NCOA2: variants seen among roughly 807,000 people sequenced by gnomAD.
NCOA2 encodes the protein nuclear receptor coactivator 2.
NCOA2 carries 21 observed loss-of-function variants against 145.1 expected under a neutral mutation model. The ratio of observed to expected loss-of-function variants is 0.14; its 90% CI spans 0.10 to 0.21. The LOEUF (loss-of-function observed/expected upper bound fraction) is 0.21, where lower values mean the gene tolerates loss of function less well. Among genes scored for constraint, NCOA2 ranks in the 10% least tolerant of loss-of-function variants. The probability of loss-of-function intolerance (pLI) is 1.00; values close to 1 mark genes in which losing one functional copy is unlikely to be tolerated. For missense variants in NCOA2, 1,472 were observed against 1,837.6 expected (o/e 0.80, Z 3.64); for synonymous variants, 619 against 637.5 (o/e 0.97, Z 0.44).
chr8:70,313,370 T>C (rs1451739014), intron 1 of NCOA2, among the ~76,000 whole-genome samples: 1 of 152,204 alleles, frequency 6.6e-6, no homozygotes, highest in Admixed American at 6.5e-5. Context: ...GTTTAGCAAG[T>C]CCAAAAATAC....
chr8:70,248,954 T>C (rs959282215), intron 2 of NCOA2, among the ~76,000 whole-genome samples: 14 of 152,038 alleles, frequency 9.2e-5, no homozygotes, highest in Admixed American at 8.5e-4. Flanking sequence ...ATTTAAGTTG[T>C]TTCCAATTGG....
chr8:70,304,797 T>G (rs1827763001), intron 1 of NCOA2, among the ~76,000 whole-genome samples: 1 of 151,332 alleles, frequency 6.6e-6, no homozygotes, highest in South Asian at 2.1e-4. Flanking sequence ...GCCTGGCAAC[T>G]ATATGCATAA....
intron 21 of NCOA2, 23 bp downstream of exon 21, chr8:70,123,861 G>T: frequency 6.3e-7 from 1 of 1,577,110 alleles, no homozygotes; most frequent in Non-Finnish European, 8.6e-7. Flanking sequence ...AAGCCACTGG[G>T]TTGCTTCTCC....
At chr8:70,242,965 A>T (rs557814397) in intron 2 of NCOA2, among the ~76,000 whole-genome samples, 23 of 152,206 alleles carry the variant, frequency 1.5e-4, no homozygotes, top group Admixed American at 1.4e-3. Context: ...AGGATTTGCA[A>T]GCTAGACATC....
At chr8:70,421,756 T>C in the NCOA2 span, among the ~76,000 whole-genome samples, 1 of 151,394 alleles carries the variant, frequency 6.6e-6, no homozygotes, top group South Asian at 2.1e-4. Flanking sequence ...GTTTGGGCTT[T>C]TGGTAAAAAA....
chr8:70,441,590 AAAG>A, the NCOA2 span, among the ~76,000 whole-genome samples: 1 of 151,584 alleles, frequency 6.6e-6, no homozygotes, highest in East Asian at 1.9e-4. Context: ...GAAAAGAAAG[AAAG>A]AAGAGAGAGA....
At chr8:70,300,124 A>G (rs1827379050) in intron 1 of NCOA2, among the ~76,000 whole-genome samples, 1 of 152,212 alleles carries the variant, frequency 6.6e-6, no homozygotes, top group Non-Finnish European at 1.5e-5. Context: ...TTCCAGTGTC[A>G]GGATATGGAA....
At chr8:70,394,210 C>T (rs377446927) in intron 1 of NCOA2, among the ~76,000 whole-genome samples, 2 of 152,172 alleles carry the variant, frequency 1.3e-5, no homozygotes, top group East Asian at 1.9e-4. Context: ...GGCTGGAGTG[C>T]GATGGCGCAA....
chr8:70,353,372 C>T (rs1401795187), intron 1 of NCOA2, among the ~76,000 whole-genome samples: 3 of 150,604 alleles, frequency 2.0e-5, no homozygotes, highest in East Asian at 2.0e-4. Context: ...ACCTCAGCCT[C>T]CCAAAGTGTT....
At chr8:70,238,092 C>T (rs1821795456) in intron 2 of NCOA2, among the ~76,000 whole-genome samples, 1 of 152,008 alleles carries the variant, frequency 6.6e-6, no homozygotes. Flanking sequence ...CCATGTTGCT[C>T]CAGAAGACAG....
In NCOA2 at chr8:70,349,410, C is replaced by G. The variant is rs144521434; in HGVS notation, c.-76-52610G>C. 1.5e-4 allele frequency among the ~76,000 whole-genome samples: 23 copies of G among 152,084 alleles called. No individual in the cohort carries two copies. The East Asian group carries it at 3.9e-3, about 26-fold the overall frequency. ...AAGAAATGTATGTTACCAAAATTAT[C>G]TCAAGTTAAATTTAAAAATCTATGA... is the stretch of plus-strand genomic sequence containing the variant. On this transcript the variant is annotated intron_variant, in intron 1 of 22. Coordinates refer to ENST00000452400, the MANE Select transcript of NCOA2 (RefSeq NM_006540.4).
intron 2 of NCOA2, among the ~76,000 whole-genome samples, chr8:70,275,052 C>G (rs920490849): frequency 1.3e-5 from 2 of 152,126 alleles, no homozygotes; most frequent in African/African-American, 4.8e-5. Flanking sequence ...CTCATATATA[C>G]CTAATCAAAA....
chr8:70,189,743 G>A (rs576806049), intron 4 of NCOA2, among the ~76,000 whole-genome samples: 4 of 152,264 alleles, frequency 2.6e-5, no homozygotes, highest in East Asian at 1.9e-4. Flanking sequence ...GCACTGCCAC[G>A]GTTAAGCCAA....
the NCOA2 span, among the ~76,000 whole-genome samples, chr8:70,414,548 A>G: frequency 2.0e-5 from 3 of 152,108 alleles, no homozygotes; most frequent in African/African-American, 4.8e-5. Flanking sequence ...TCATCTATAC[A>G]TGTTTAGCAG....
intron 4 of NCOA2, among the ~76,000 whole-genome samples, chr8:70,189,307 G>T (rs1223955962): frequency 1.3e-5 from 2 of 152,158 alleles, no homozygotes; most frequent in Admixed American, 6.5e-5. Context: ...AATTTCAGGG[G>T]ATCCAAGCTG....
chr8:70,329,342 C>G (rs1806874394), intron 1 of NCOA2, among the ~76,000 whole-genome samples: 1 of 152,200 alleles, frequency 6.6e-6, no homozygotes, highest in South Asian at 2.1e-4. Flanking sequence ...AACTCCTGGG[C>G]TCAAGCAATC....
chr8:70,209,812 A>C (rs948442774), intron 4 of NCOA2, among the ~76,000 whole-genome samples: 5 of 152,176 alleles, frequency 3.3e-5, no homozygotes, highest in African/African-American at 1.2e-4. Context: ...GAAAAACAAA[A>C]AATTCATGTC....
Position 70,111,359 on chromosome 8 carries a change from TAA to T in NCOA2, c.*2271_*2272del, listed in dbSNP as rs971140727. On this transcript the variant is annotated 3_prime_UTR_variant, in exon 23 of 23. Transcript: ENST00000452400. Reference sequence around the variant, plus strand: ...ATTTCTCTTTTGTGCTGTGTGAAGTTAAAAGTCATTCTAATTCACATATTTCT... The same window carrying T: ...ATTTCTCTTTTGTGCTGTGTGAAGTTAAGTCATTCTAATTCACATATTTCT... The T allele has an allele frequency of 4.5e-6, 1 of 224,282 alleles. No individual in the cohort carries two copies. The highest frequency in any genetic ancestry group is 2.2e-5 in the African/African-American group (1 of 44,812). The allele number at this position is 224,282 out of a possible 1,614,324, so 13.9% of individuals were successfully genotyped here.
the NCOA2 span, among the ~76,000 whole-genome samples, chr8:70,443,903 C>T: frequency 6.6e-6 from 1 of 152,186 alleles, no homozygotes; most frequent in East Asian, 1.9e-4. Flanking sequence ...TATATTCTGA[C>T]TATGGTCATG....
Sources: allele counts gnomAD v4.1 joint callset (sites outside exome capture counted in the v4.1 genomes callset), GRCh38; gene constraint gnomAD v4.1.1; transcripts MANE v1.5; gene names NCBI Gene and HGNC (gene_info 2026-07-23, HGNC 2026-07-21).